Variants in DOCK7 observed in about 807,000 individuals in gnomAD.
The protein encoded by DOCK7 is dedicator of cytokinesis protein 7.
DOCK7 carries 138 observed loss-of-function variants against 271.0 expected under a neutral mutation model. That is an observed-to-expected ratio of 0.51 (90% CI 0.44 to 0.59). DOCK7 has a LOEUF of 0.59. Ranked by LOEUF, DOCK7 falls within the 20% of genes least tolerant of loss-of-function variation. The probability of loss-of-function intolerance (pLI) is 0.00; values close to 1 mark genes in which losing one functional copy is unlikely to be tolerated. For missense variants in DOCK7, 2,066 were observed against 2,592.4 expected (o/e 0.80, Z 4.41); for synonymous variants, 823 against 876.1 (o/e 0.94, Z 1.07).
intron 31 of DOCK7, among the ~76,000 whole-genome samples, chr1:62,527,542 T>G (rs1645045966): frequency 1.3e-5 from 2 of 151,952 alleles, no homozygotes; most frequent in Admixed American, 6.6e-5. Context: ...CCATAAAAAA[T>G]GATGAGTTCA....
At chr1:62,658,729 C>T (rs998850389) in intron 2 of DOCK7, among the ~76,000 whole-genome samples, 1 of 151,930 alleles carries the variant, frequency 6.6e-6, no homozygotes, top group East Asian at 1.9e-4. Context: ...GCAGGTGGAT[C>T]GACTGAGCTC....
intron 2 of DOCK7, among the ~76,000 whole-genome samples, chr1:62,659,232 GT>G (rs1416750178): frequency 6.6e-6 from 1 of 152,138 alleles, no homozygotes; most frequent in Non-Finnish European, 1.5e-5. Context: ...GATTCTAAGT[GT>G]TTATAGAAAA....
At chr1:62,601,927 C>T (rs764880720) in intron 14 of DOCK7, 3 of 1,213,350 alleles carry the variant, frequency 2.5e-6, no homozygotes, top group African/African-American at 1.5e-5. Context: ...GTTCAACTTA[C>T]TCATTACGTA....
At chr1:62,460,631 ACACACACAC>A (rs1645495449) in intron 48 of DOCK7, among the ~76,000 whole-genome samples, 1 of 80,420 alleles carries the variant, frequency 1.2e-5, no homozygotes, top group Admixed American at 1.3e-4. Flanking sequence ...ACACACACAC[ACACACACAC>A]CCTCCAAGTA....
At chr1:62,666,255 A>C (rs541635990) in intron 1 of DOCK7, among the ~76,000 whole-genome samples, 1 of 152,346 alleles carries the variant, frequency 6.6e-6, no homozygotes, top group African/African-American at 2.4e-5. Context: ...TTTGCCAATT[A>C]ACCACCATAC....
chr1:62,555,449 T>G (rs1045078964), intron 21 of DOCK7: 2 of 159,454 alleles, frequency 1.3e-5, no homozygotes, highest in South Asian at 3.8e-4. Context: ...GGCCTCAAAT[T>G]CCTGGGCTCA....
chr1:62,466,028 G>A (rs1168141410), intron 48 of DOCK7, among the ~76,000 whole-genome samples: 1 of 152,168 alleles, frequency 6.6e-6, no homozygotes, highest in East Asian at 1.9e-4. Flanking sequence ...AGGATGGTTT[G>A]ATAATTTTAG....
chr1:62,491,533 T>G (rs147658310), intron 41 of DOCK7, among the ~76,000 whole-genome samples: 150 of 152,318 alleles, frequency 9.8e-4, no homozygotes, highest in African/African-American at 3.1e-3. Flanking sequence ...GGGAACAAGA[T>G]TGGGGTTATA....
chr1:62,617,997 G>A (rs1652668356), intron 14 of DOCK7, among the ~76,000 whole-genome samples: 1 of 151,988 alleles, frequency 6.6e-6, no homozygotes, highest in Admixed American at 6.6e-5. Flanking sequence ...AAATATACTA[G>A]GATGGGGAAG....
At position 62,631,318 on chromosome 1, in the gene DOCK7, C is replaced by G; in HGVS notation, c.1204G>C (p.Ala402Pro). The change falls in exon 11 of 50, where the codon GCA (alanine) becomes CCA (proline). Residue 402 changes from alanine (A) to proline (P), a missense_variant. By Grantham distance (27) the Ala-to-Pro change is conservative. This residue lies in a region of DOCK7 where 1,414 missense variants were observed against 1,670.4 expected (regional missense o/e 0.85). Coordinates refer to ENST00000635253, the MANE Select transcript of DOCK7 (RefSeq NM_001367561.1). ...CTAACAATATTCATTAAATGGATTG[C>G]AGTCCAAGCAAAAGGCATGCGATAT... ...GKYRMPFAWT[A>P]IHLMNIVSSA... The G allele has an allele frequency of 6.2e-7, 1 of 1,613,342 alleles. No individual in the cohort carries two copies. Among genetic ancestry groups the G allele is most frequent in the Non-Finnish European group, 8.5e-7 (1 of 1,179,708 alleles).
chr1:62,675,809 G>A (rs1482355141), intron 1 of DOCK7, among the ~76,000 whole-genome samples: 1 of 151,598 alleles, frequency 6.6e-6, no homozygotes, highest in Non-Finnish European at 1.5e-5. Context: ...AAAGGCACTA[G>A]TCATTAGGAA....
chr1:62,586,560 T>A lies in DOCK7; in HGVS notation c.1747A>T (p.Ile583Leu), dbSNP rs201871127. The A allele has an allele frequency of 2.5e-6, 4 of 1,613,166 alleles. No individual in the cohort carries two copies. In the East Asian group the frequency reaches 8.9e-5, roughly 36 times the overall value. Reference protein sequence around the residue: ...FANRQGSARNITVKVQFMYGE... With the variant: ...FANRQGSARNLTVKVQFMYGE... ...TACATAAACTGGACTTTCACTGTTA[T>A]ATTTCTAGCAGAACCTTGACGATTG... The change falls in exon 15 of 50, where the codon ATA becomes TTA. Residue 583 changes from isoleucine to leucine, a missense_variant. This residue lies in a region of DOCK7 where 1,414 missense variants were observed against 1,670.4 expected (regional missense o/e 0.85). Transcript: ENST00000635253.
chr1:62,507,809 T>A (rs1195176557), intron 35 of DOCK7, among the ~76,000 whole-genome samples, 153 bp downstream of exon 35: 1 of 152,242 alleles, frequency 6.6e-6, no homozygotes, highest in African/African-American at 2.4e-5. Flanking sequence ...TGGGAATTTA[T>A]AATTACAGAG....
intron 31 of DOCK7, among the ~76,000 whole-genome samples, chr1:62,518,294 C>G (rs1168048): frequency 0.98 from 148,539 of 151,772 alleles, 72,784 homozygotes; most frequent in Middle Eastern, 1. Flanking sequence ...AAAATTGGTC[C>G]GGCGTGGTGG....
At chr1:62,609,944 G>A (rs1009592267) in intron 14 of DOCK7, among the ~76,000 whole-genome samples, 2 of 152,046 alleles carry the variant, frequency 1.3e-5, no homozygotes, top group Non-Finnish European at 2.9e-5. Flanking sequence ...TCCGCCTCCT[G>A]GGTTCAAGTG....
At chr1:62,672,450 A>G (rs2149747484) in intron 1 of DOCK7, among the ~76,000 whole-genome samples, 1 of 152,234 alleles carries the variant, frequency 6.6e-6, no homozygotes, top group African/African-American at 2.4e-5. Flanking sequence ...GTTTCACATA[A>G]CTGATAAGGA....
chr1:62,492,484 C>T (rs1033706725), intron 41 of DOCK7: 3 of 474,022 alleles, frequency 6.3e-6, no homozygotes, highest in African/African-American at 2.0e-5. Context: ...GACGGTATCT[C>T]ACTATGTTCC....
chr1:62,461,196 A>C (rs1645513965), intron 48 of DOCK7, among the ~76,000 whole-genome samples: 1 of 152,202 alleles, frequency 6.6e-6, no homozygotes, highest in Admixed American at 6.5e-5. Flanking sequence ...GAGAAGGAAC[A>C]AGAAAATGAT....
At chr1:62,633,156 A>C (rs1386436373) in intron 10 of DOCK7, among the ~76,000 whole-genome samples, 1 of 152,218 alleles carries the variant, frequency 6.6e-6, no homozygotes, top group Non-Finnish European at 1.5e-5. Context: ...ATAAATAAAG[A>C]AAACCTTTAA....
Sources: gnomAD v4.1 joint callset for allele counts (sites outside exome capture counted in the v4.1 genomes callset) on GRCh38, gnomAD v4.1.1 for gene constraint, gnomAD v4.1.1 regional missense constraint, MANE v1.5 for transcripts, NCBI Gene and HGNC (gene_info 2026-07-23, HGNC 2026-07-21) for gene names.